The following NTAQ1 variants were observed in gnomAD, a reference collection of about 807,000 sequenced individuals.
NTAQ1 encodes protein N-terminal glutamine amidohydrolase.
In NTAQ1, 21 loss-of-function variants were observed where a neutral mutation model predicts 28.2. The ratio of observed to expected loss-of-function variants is 0.74; its 90% CI spans 0.53 to 1.07. The LOEUF is 1.07. NTAQ1 is among the 50% of genes least tolerant of loss of function. NTAQ1 has a pLI of 0.00. For missense variants in NTAQ1, 264 were observed against 256.6 expected, an observed-to-expected ratio of 1.03 and a Z score of -0.20; for synonymous variants, 105 against 90.0, an observed-to-expected ratio of 1.17 and a Z score of -0.94.
intron 6 of NTAQ1, among the ~76,000 whole-genome samples, chr8:123,457,557 G>A (rs1401488920): frequency 3.3e-5 from 5 of 152,006 alleles, no homozygotes; most frequent in Admixed American, 2.0e-4. Flanking sequence ...AGATAAAAAC[G>A]TGTATTTGCT....
intron 3 of NTAQ1, among the ~76,000 whole-genome samples, chr8:123,430,290 C>G (rs1465782094): frequency 6.6e-6 from 1 of 152,100 alleles, no homozygotes; most frequent in Non-Finnish European, 1.5e-5. Flanking sequence ...TAGACTCTTA[C>G]CATTTAGCAC....
downstream of NTAQ1, among the ~76,000 whole-genome samples, chr8:123,445,248 A>T (rs558249811): frequency 1.3e-5 from 2 of 152,090 alleles, no homozygotes; most frequent in East Asian, 3.9e-4. Context: ...ATAGGTATGT[A>T]TTATATATTA....
At chr8:123,439,691 T>C (rs1814931919) in intron 5 of NTAQ1, among the ~76,000 whole-genome samples, 1 of 152,062 alleles carries the variant, frequency 6.6e-6, no homozygotes, top group Admixed American at 6.6e-5. Context: ...GGTTTTGCCA[T>C]GTGGGCTAGG....
chr8:123,420,068 C>A (rs1006227092), intron 1 of NTAQ1, among the ~76,000 whole-genome samples: 4 of 152,028 alleles, frequency 2.6e-5, no homozygotes, highest in African/African-American at 7.2e-5. Flanking sequence ...CCTCCTGTCA[C>A]CCTCTACCCT....
At chr8:123,473,568 G>A (rs747424984), downstream of NTAQ1, among the ~76,000 whole-genome samples, 8 of 152,174 alleles carry the variant, frequency 5.3e-5, no homozygotes, top group Non-Finnish European at 1.0e-4. Flanking sequence ...TGGGATTATA[G>A]GCATGAGCCA....
At chr8:123,470,790 T>C (rs1036765340), downstream of NTAQ1, among the ~76,000 whole-genome samples, 4 of 152,216 alleles carry the variant, frequency 2.6e-5, no homozygotes. Context: ...AATCCTTTCT[T>C]GCCTCTTTTA....
chr8:123,458,737 C>T (rs1815729665), intron 6 of NTAQ1, among the ~76,000 whole-genome samples: 1 of 151,588 alleles, frequency 6.6e-6, no homozygotes, highest in South Asian at 2.1e-4. Context: ...TCTCCTGCCT[C>T]AGCCTCCCGA....
chr8:123,451,703 A>G (rs1367771832), downstream of NTAQ1, among the ~76,000 whole-genome samples: 6 of 152,142 alleles, frequency 3.9e-5, no homozygotes, highest in African/African-American at 1.4e-4. Flanking sequence ...TCTCCACTGT[A>G]ATACAGTGTC....
intron 6 of NTAQ1, among the ~76,000 whole-genome samples, chr8:123,461,224 C>A (rs534985222): frequency 6.6e-6 from 1 of 152,256 alleles, no homozygotes; most frequent in African/African-American, 2.4e-5. Flanking sequence ...CTGGGCTAGA[C>A]GCTGCACCAT....
downstream of NTAQ1, among the ~76,000 whole-genome samples, chr8:123,448,598 G>A (rs1240582134): frequency 6.6e-6 from 1 of 152,212 alleles, no homozygotes; most frequent in African/African-American, 2.4e-5. Context: ...CAGCCTGGGC[G>A]ACAAGAGTGA....
At chr8:123,452,311 T>A (rs1189410022), downstream of NTAQ1, among the ~76,000 whole-genome samples, 1 of 152,192 alleles carries the variant, frequency 6.6e-6, no homozygotes, top group Non-Finnish European at 1.5e-5. Flanking sequence ...AACATCCATT[T>A]ATTGGTCAGG....
rs1179847914 is a variant in NTAQ1 at position 123,416,846 on chromosome 8, G to A, written c.-4G>A. ...GGCCCGGGCCCTGGCCCAGCTAGCC[G>A]GCCATGGAAGGTAATGGCCCCGCTG... On this transcript the variant is annotated 5_prime_UTR_variant, in exon 1 of 6. Transcript: ENST00000287387. 3 of 1,526,726 alleles carry A rather than the reference G, an allele frequency of 2.0e-6. No homozygotes were observed. The highest frequency in any genetic ancestry group is 2.0e-5 in the Admixed American group (1 of 48,862). 94.6% of individuals were successfully genotyped at this position (1,526,726 alleles called of 1,614,324 possible).
At chr8:123,439,192 CT>C (rs869289750) in intron 5 of NTAQ1, among the ~76,000 whole-genome samples, 11 of 148,388 alleles carry the variant, frequency 7.4e-5, no homozygotes, top group African/African-American at 1.2e-4. Context: ...TTCTTTCTTT[CT>C]TTTTTTTTTG....
At chr8:123,443,056 G>A (rs975179647), downstream of NTAQ1, among the ~76,000 whole-genome samples, 2 of 151,302 alleles carry the variant, frequency 1.3e-5, no homozygotes, top group South Asian at 2.1e-4. Flanking sequence ...GTCTCACTCT[G>A]TCGCCCAGGC....
chr8:123,460,435 T>C (rs995066094), intron 6 of NTAQ1, among the ~76,000 whole-genome samples: 2 of 152,218 alleles, frequency 1.3e-5, no homozygotes, highest in African/African-American at 2.4e-5. Context: ...TCAGTCACAC[T>C]GGAATAAATC....
intron 3 of NTAQ1, 102 bp downstream of exon 3, chr8:123,430,135 G>A: frequency 1.3e-6 from 1 of 746,060 alleles, no homozygotes; most frequent in Non-Finnish European, 2.2e-6. Flanking sequence ...AGTAGAGAAA[G>A]GCTATGGTAA....
chr8:123,440,314 C>T (rs1814979157), intron 5 of NTAQ1, among the ~76,000 whole-genome samples: 2 of 151,832 alleles, frequency 1.3e-5, no homozygotes, highest in South Asian at 4.1e-4. Flanking sequence ...CACTACCACA[C>T]CTGGCTAGTT....
downstream of NTAQ1, among the ~76,000 whole-genome samples, chr8:123,447,202 T>A (rs1815324309): frequency 6.6e-6 from 1 of 152,012 alleles, no homozygotes; most frequent in Non-Finnish European, 1.5e-5. Context: ...TGCTTACTAT[T>A]AAAAAAAATT....
rs532623010 is a variant in NTAQ1, at chr8:123,426,785, C to T, written c.84-1139C>T. ...GACCAGCCTGGCCAACATGGTGAAA[C>T]ACCATCTCTACTAAAAATACAAAAG... On this transcript the variant is annotated intron_variant, in intron 1 of 5. Coordinates refer to ENST00000287387, the MANE Select transcript of NTAQ1 (RefSeq NM_018024.3). Among the ~76,000 whole-genome samples, 16 of 152,002 alleles carry T rather than the reference C, an allele frequency of 1.1e-4. No homozygotes were observed. The East Asian group carries it at 2.1e-3, about 20-fold the overall frequency.
Sources: gnomAD v4.1 joint callset for allele counts (sites outside exome capture counted in the v4.1 genomes callset) on GRCh38, gnomAD v4.1.1 for gene constraint, MANE v1.5 for transcripts, NCBI Gene and HGNC (gene_info 2026-07-23, HGNC 2026-07-21) for gene names.